Variants in JHY observed in about 807,000 individuals in gnomAD.
JHY encodes jhy protein homolog.
Under a neutral mutation model 78.0 loss-of-function variants are expected in JHY, and 69 were observed. The observed-to-expected ratio is 0.88, with a 90% CI of 0.73 to 1.08. The LOEUF is 1.08. Ranked by LOEUF, JHY falls within the 50% of genes least tolerant of loss-of-function variation. The probability of loss-of-function intolerance (pLI) is 0.00; values close to 1 mark genes in which losing one functional copy is unlikely to be tolerated. For missense variants in JHY, 944 were observed against 927.8 expected, an observed-to-expected ratio of 1.02 and a Z score of -0.23; for synonymous variants, 368 against 342.6, an observed-to-expected ratio of 1.07 and a Z score of -0.82.
chr11:122,904,558 G>A (rs1042368794), intron 3 of JHY, 114 bp downstream of exon 3: 3 of 1,249,740 alleles, frequency 2.4e-6, no homozygotes, highest in Non-Finnish European at 3.3e-6. Flanking sequence ...CAGCCACCTA[G>A]CTGGGTAAAA....
At chr11:122,925,073 C>T (rs75347095) in intron 4 of JHY, 63 bp downstream of exon 4, 96,019 of 1,272,970 alleles carry the variant, frequency 0.075, 4,277 homozygotes, top group Non-Finnish European at 0.089. Context: ...AAGTAATGAT[C>T]GTGACTGAGT....
chr11:122,942,252 CT>C (rs1202002546), intron 5 of JHY, among the ~76,000 whole-genome samples: 2 of 152,190 alleles, frequency 1.3e-5, no homozygotes, highest in Non-Finnish European at 2.9e-5. Flanking sequence ...CTTTCTCTCT[CT>C]TTTTCTTGAT....
intron 5 of JHY, among the ~76,000 whole-genome samples, chr11:122,945,793 CTTG>C (rs1390705343): frequency 2.0e-5 from 3 of 152,094 alleles, no homozygotes; most frequent in African/African-American, 4.8e-5. Context: ...TTCACAAGAG[CTTG>C]TTGTTGTTGT....
At chr11:122,939,362 C>A (rs1191786514) in intron 5 of JHY, among the ~76,000 whole-genome samples, 1 of 152,114 alleles carries the variant, frequency 6.6e-6, no homozygotes, top group African/African-American at 2.4e-5. Context: ...ACCGCCACTC[C>A]CACTTACAGC....
At chr11:122,913,394 C>G (rs1863170724) in intron 3 of JHY, among the ~76,000 whole-genome samples, 1 of 152,154 alleles carries the variant, frequency 6.6e-6, no homozygotes, top group Non-Finnish European at 1.5e-5. Context: ...GTAATTCTTT[C>G]AACATTGCTT....
intron 6 of JHY, among the ~76,000 whole-genome samples, chr11:122,955,454 TG>T (rs1310540874): frequency 2.0e-5 from 3 of 152,126 alleles, no homozygotes; most frequent in Non-Finnish European, 4.4e-5. Context: ...AGCAGTGGTT[TG>T]GGGAATATCT....
At chr11:122,954,357 T>A in intron 6 of JHY, among the ~76,000 whole-genome samples, 1 of 152,184 alleles carries the variant, frequency 6.6e-6, no homozygotes, top group East Asian at 1.9e-4. Flanking sequence ...AGGAGAATGT[T>A]TGTCTTTTGA....
In JHY at chr11:122,961,090, T is replaced by C. The variant is rs532679346; in HGVS notation, c.*1645T>C. The C allele has an allele frequency of 2.0e-6, 2 of 1,018,320 alleles. No individual in the cohort carries two copies. Among genetic ancestry groups the C allele is most frequent in the African/African-American group, 1.6e-5 (1 of 62,870 alleles). 63.1% of individuals were successfully genotyped at this position (1,018,320 alleles called of 1,614,324 possible). ...ACTCATGCACAGCCAGTTATGTAAATGTATCTATCCCAATTGAGAGAGCCA... is the reference window on the plus strand; with the variant it reads ...ACTCATGCACAGCCAGTTATGTAAACGTATCTATCCCAATTGAGAGAGCCA... On this transcript the variant is annotated 3_prime_UTR_variant, in exon 9 of 9. Transcript: ENST00000227349.
chr11:122,939,191 T>C (rs1376902914), intron 5 of JHY, among the ~76,000 whole-genome samples: 1 of 152,162 alleles, frequency 6.6e-6, no homozygotes, highest in Admixed American at 6.5e-5. Context: ...TTTCACCATG[T>C]TGGCCAGGAT....
intron 2 of JHY, among the ~76,000 whole-genome samples, chr11:122,895,095 A>G (rs1402905736): frequency 6.6e-6 from 1 of 152,246 alleles, no homozygotes; most frequent in African/African-American, 2.4e-5. Flanking sequence ...TAAGGTGAGC[A>G]TAGAATTCAG....
rs182156670 is a variant in JHY, at chr11:122,934,553, A to G, written c.1112A>G (p.Lys371Arg). The change falls in exon 5 of 9, where the codon AAA (lysine) becomes AGA (arginine). Residue 371 changes from lysine to arginine, a missense_variant. By Grantham distance (26) the Lys-to-Arg change is conservative. Coordinates refer to ENST00000227349, the MANE Select transcript of JHY (RefSeq NM_024806.4). ...PAKLKIRKQC[K>R]HQNGLKSSTT... ...AAGCTCAAGATTCGAAAGCAGTGTA[A>G]ACACCAGAATGGCCTGAAGTCTTCC... 212 of 1,614,100 alleles carry G rather than the reference A, an allele frequency of 1.3e-4. 1 individual carries two copies. In the Admixed American group the frequency reaches 3.5e-3, roughly 27 times the overall value.
At chr11:122,911,015 G>A (rs1490077891) in intron 3 of JHY, among the ~76,000 whole-genome samples, 1 of 152,184 alleles carries the variant, frequency 6.6e-6, no homozygotes, top group Non-Finnish European at 1.5e-5. Flanking sequence ...AACTTTGCTG[G>A]TGAATAATCA....
intron 2 of JHY, among the ~76,000 whole-genome samples, chr11:122,901,462 A>AT (rs57302005): frequency 6.6e-6 from 1 of 151,304 alleles, no homozygotes. Flanking sequence ...TATACTTTTA[A>AT]TTTTTTTTTT....
At chr11:122,946,912 G>GA in intron 6 of JHY, 120 bp downstream of exon 6, 2 of 1,230,496 alleles carry the variant, frequency 1.6e-6, no homozygotes, top group Non-Finnish European at 2.2e-6. Flanking sequence ...ACACTGGGTC[G>GA]CCCAGAGTCC....
chr11:122,889,869 G>A (rs1368453502), intron 2 of JHY, among the ~76,000 whole-genome samples: 2 of 151,966 alleles, frequency 1.3e-5, no homozygotes, highest in Non-Finnish European at 2.9e-5. Context: ...AATGATTCTC[G>A]TGCTTCAGCC....
chr11:122,901,659 G>A (rs1272776871), intron 2 of JHY, among the ~76,000 whole-genome samples: 1 of 151,540 alleles, frequency 6.6e-6, no homozygotes, highest in Non-Finnish European at 1.5e-5. Context: ...AGATCACGAG[G>A]TCAGGAGATC....
chr11:122,905,020 G>C lies in JHY; in HGVS notation c.864+576G>C, dbSNP rs764194772. On this transcript the variant is annotated intron_variant, in intron 3 of 8. Transcript: ENST00000227349. ...GTGGGTAGGGTACAACATAAGGTGGGTTTTTTTTTTCAATCTTCAGATGTT... is the reference window on the plus strand; with the variant it reads ...GTGGGTAGGGTACAACATAAGGTGGCTTTTTTTTTTCAATCTTCAGATGTT... 4 of 626,902 alleles carry C rather than the reference G, an allele frequency of 6.4e-6. No individual in the cohort carries two copies. In the East Asian group the frequency reaches 1.2e-4, roughly 19 times the overall value. The allele number at this position is 626,902 out of a possible 1,614,324, so 38.8% of individuals were successfully genotyped here. A position where few individuals can be genotyped will look rare whatever the true frequency, so the allele number is the denominator to read the frequency against.
intron 6 of JHY, among the ~76,000 whole-genome samples, chr11:122,954,776 G>A (rs940484705): frequency 2.0e-5 from 3 of 151,640 alleles, no homozygotes; most frequent in Non-Finnish European, 4.4e-5. Context: ...AAATTAGACA[G>A]TCTCATAACC....
Position 122,946,541 on chromosome 11 carries a change from C to T in JHY, c.1678C>T (p.Pro560Ser). 1 of 1,612,000 alleles carries T rather than the reference C, an allele frequency of 6.2e-7. No homozygotes were observed. The highest frequency in any genetic ancestry group is 8.5e-7 in the Non-Finnish European group (1 of 1,179,352). ...TGACAGCCAGACGGTTAGAGCTTCTCCAGATTCATGGCTCACCCAGATAAT... is the reference window on the plus strand; with the variant it reads ...TGACAGCCAGACGGTTAGAGCTTCTTCAGATTCATGGCTCACCCAGATAAT... ...SSDSQTVRASPDSWLTQIMEQ... is the reference protein window; with the variant it reads ...SSDSQTVRASSDSWLTQIMEQ... Residue 560 changes from proline (P) to serine (S), a missense_variant, in exon 6 of 9, where the codon CCA becomes TCA. Pro to Ser is a moderately conservative substitution (Grantham distance 74, BLOSUM62 -1). Transcript: ENST00000227349.
Sources: gnomAD v4.1 joint callset for allele counts (sites outside exome capture counted in the v4.1 genomes callset) on GRCh38, gnomAD v4.1.1 for gene constraint, MANE v1.5 for transcripts, NCBI Gene and HGNC (gene_info 2026-07-23, HGNC 2026-07-21) for gene names.